Variants in BTBD1 observed in about 807,000 individuals in gnomAD.
The protein encoded by BTBD1 is BTB domain containing 1.
BTBD1 carries 34 observed loss-of-function variants against 48.0 expected under a neutral mutation model. The observed-to-expected ratio is 0.71, with a 90% CI of 0.54 to 0.94. BTBD1 has a LOEUF of 0.94. BTBD1 is among the 40% of genes least tolerant of loss of function. The pLI, the probability that BTBD1 is intolerant of heterozygous loss-of-function variation, is 0.00. For synonymous variants in BTBD1, 261 were observed against 242.1 expected, an observed-to-expected ratio of 1.08 and a Z score of -0.72; for missense variants, 543 against 625.6, an observed-to-expected ratio of 0.87 and a Z score of 1.41.
intron 4 of BTBD1, among the ~76,000 whole-genome samples, chr15:83,038,413 T>C (rs569071969): frequency 5.8e-4 from 88 of 152,242 alleles, no homozygotes; most frequent in Non-Finnish European, 1.1e-3. Flanking sequence ...CACAAACAAA[T>C]GGAAAAACAT....
At chr15:83,060,585 G>C (rs2033160871) in intron 1 of BTBD1, among the ~76,000 whole-genome samples, 1 of 152,064 alleles carries the variant, frequency 6.6e-6, no homozygotes, top group African/African-American at 2.4e-5. Flanking sequence ...CCTGGGGTCA[G>C]GAGTTTGAGA....
intron 3 of BTBD1, among the ~76,000 whole-genome samples, chr15:83,048,865 A>G (rs1438152493): frequency 6.6e-6 from 1 of 152,174 alleles, no homozygotes; most frequent in Non-Finnish European, 1.5e-5. Flanking sequence ...GACAAGAAAG[A>G]GAATCATTTA....
At chr15:83,061,124 A>G (rs1225669519) in intron 1 of BTBD1, among the ~76,000 whole-genome samples, 6 of 152,228 alleles carry the variant, frequency 3.9e-5, no homozygotes, top group Admixed American at 3.9e-4. Context: ...TCTCAATGGT[A>G]TAGCCTACTA....
chr15:83,026,342 G>A (rs1261961512), intron 5 of BTBD1, among the ~76,000 whole-genome samples: 1 of 151,990 alleles, frequency 6.6e-6, no homozygotes, highest in Non-Finnish European at 1.5e-5. Context: ...AGGTTTAGGG[G>A]GGCACTACTG....
intron 7 of BTBD1, 103 bp downstream of exon 7, chr15:83,018,604 C>A (rs189139370): frequency 3.0e-6 from 4 of 1,313,912 alleles, no homozygotes; most frequent in East Asian, 2.4e-5. Flanking sequence ...TCTTTTCCCC[C>A]CTCTTTATAA....
At chr15:83,032,149 C>T (rs1473834805) in intron 4 of BTBD1, among the ~76,000 whole-genome samples, 1 of 151,966 alleles carries the variant, frequency 6.6e-6, no homozygotes, top group African/African-American at 2.4e-5. Context: ...GGTGAAACCC[C>T]ATCTCTAACA....
intron 2 of BTBD1, among the ~76,000 whole-genome samples, chr15:83,051,043 A>AC (rs2032972283): frequency 6.6e-6 from 1 of 152,064 alleles, no homozygotes; most frequent in South Asian, 2.1e-4. Context: ...AAAAAAAAAA[A>AC]ACAGTTTATA....
intron 4 of BTBD1, among the ~76,000 whole-genome samples, chr15:83,037,706 AGAAAT>A (rs776845003): frequency 3.5e-4 from 54 of 152,234 alleles, no homozygotes; most frequent in Non-Finnish European, 1.3e-4. Context: ...GGAAAGGAAA[AGAAAT>A]AAAATGCACC....
intron 6 of BTBD1, 135 bp downstream of exon 6, chr15:83,020,540 T>C: frequency 1.6e-6 from 1 of 626,712 alleles, no homozygotes; most frequent in Non-Finnish European, 2.7e-6. Flanking sequence ...GAACTCTTTA[T>C]GCTTACAATG....
At chr15:83,036,588 C>T (rs1198120846) in intron 4 of BTBD1, among the ~76,000 whole-genome samples, 2 of 152,280 alleles carry the variant, frequency 1.3e-5, no homozygotes, top group African/African-American at 4.8e-5. Flanking sequence ...ATATATCCAA[C>T]AGAAATGTTT....
rs2032191297 is a variant in BTBD1, at chr15:83,017,387, A to C, written c.*680T>G. 1 of 152,638 alleles carries C rather than the reference A, an allele frequency of 6.6e-6. No individual in the cohort carries two copies. Among genetic ancestry groups the C allele is most frequent in the South Asian group, 2.1e-4 (1 of 4,836 alleles). 9.5% of individuals were successfully genotyped at this position (152,638 alleles called of 1,614,324 possible). On this transcript the variant is annotated 3_prime_UTR_variant, in exon 8 of 8. Coordinates refer to ENST00000261721, the MANE Select transcript of BTBD1 (RefSeq NM_025238.4). ...TCCAGTCTTAGATCCTGTTTATATC[A>C]CATTTTTGTGAATTTACACAAAATT...
chr15:83,038,581 A>C (rs763421119), intron 4 of BTBD1, among the ~76,000 whole-genome samples: 38 of 152,178 alleles, frequency 2.5e-4, no homozygotes, highest in Non-Finnish European at 5.1e-4. Context: ...AAAAAGCCTA[A>C]ATAGCCAAAG....
chr15:83,027,529 C>G (rs1239748092), intron 5 of BTBD1, among the ~76,000 whole-genome samples: 1 of 152,208 alleles, frequency 6.6e-6, no homozygotes, highest in Non-Finnish European at 1.5e-5. Context: ...TTGCACTCCA[C>G]TGCACTGCCC....
rs568289546 is a variant in BTBD1 at position 83,050,290 on chromosome 15, T to C, written c.559-112A>G. On this transcript the variant is annotated intron_variant, in intron 2 of 7. Coordinates refer to ENST00000261721, the MANE Select transcript of BTBD1 (RefSeq NM_025238.4). Reference sequence around the variant, plus strand: ...TATAATTGCTAATTATGTAAAAATATCTACTTAAAATACACGCAATAATGT... The same window carrying C: ...TATAATTGCTAATTATGTAAAAATACCTACTTAAAATACACGCAATAATGT... 72 of 589,338 alleles carry C rather than the reference T, an allele frequency of 1.2e-4. No homozygotes were observed. In the African/African-American group the frequency reaches 1.3e-3, roughly 10 times the overall value. 36.5% of individuals were successfully genotyped at this position (589,338 alleles called of 1,614,324 possible). A position where few individuals can be genotyped will look rare whatever the true frequency, so the allele number is the denominator to read the frequency against.
At position 83,066,800 on chromosome 15, in the gene BTBD1, C is replaced by A. The variant is rs765874626; in HGVS notation, c.352G>T (p.Glu118Ter). The stretch of plus-strand genomic sequence containing the variant: ...GGCTCCACGTCCGGCAGCTCGATCT[C>A]GGCCGACGTGGTGGCCATGCCGCCG... ...FNGGMATTSA[E>*]IELPDVEPAA... is the part of the protein sequence containing the mutation. The change falls in exon 1 of 8, where the codon GAG becomes TAG. Residue 118 changes from glutamate to a stop codon, truncating the protein, a stop_gained. Coordinates refer to ENST00000261721, the MANE Select transcript of BTBD1 (RefSeq NM_025238.4). LOFTEE classifies it high-confidence loss of function. 10 of 1,443,560 alleles carry A rather than the reference C, an allele frequency of 6.9e-6. No individual in the cohort carries two copies. In the South Asian group the frequency reaches 1.4e-4, roughly 21 times the overall value. 89.4% of individuals were successfully genotyped at this position (1,443,560 alleles called of 1,614,324 possible). A position where few individuals can be genotyped will look rare whatever the true frequency, so the allele number is the denominator to read the frequency against.
intron 3 of BTBD1, among the ~76,000 whole-genome samples, chr15:83,048,474 T>C (rs1308556059): frequency 2.6e-5 from 4 of 152,200 alleles, no homozygotes; most frequent in Non-Finnish European, 5.9e-5. Context: ...TAGATCTCTC[T>C]ACTCTCCTAC....
intron 3 of BTBD1, among the ~76,000 whole-genome samples, chr15:83,042,266 A>G (rs1275292621): frequency 6.6e-6 from 1 of 150,384 alleles, no homozygotes; most frequent in African/African-American, 2.4e-5. Context: ...ATAAATTCTT[A>G]AAGTCTACAG....
intron 4 of BTBD1, among the ~76,000 whole-genome samples, chr15:83,033,294 C>T (rs1408130770): frequency 6.6e-6 from 1 of 151,948 alleles, no homozygotes; most frequent in East Asian, 1.9e-4. Context: ...TAGTATCCTA[C>T]CTGTTTTAAA....
intron 4 of BTBD1, among the ~76,000 whole-genome samples, chr15:83,040,701 A>AC (rs1177227308): frequency 6.8e-6 from 1 of 147,130 alleles, no homozygotes; most frequent in East Asian, 2.0e-4. Context: ...CCCTGTCTCA[A>AC]AAAAAAAAAA....
Sources: allele counts gnomAD v4.1 joint callset (sites outside exome capture counted in the v4.1 genomes callset), GRCh38; gene constraint gnomAD v4.1.1; transcripts MANE v1.5; gene names NCBI Gene and HGNC (gene_info 2026-07-23, HGNC 2026-07-21).